The following RIMS1 variants were observed in gnomAD, a reference collection of about 807,000 sequenced individuals.
The protein encoded by RIMS1 is regulating synaptic membrane exocytosis 1.
In RIMS1, 83 loss-of-function variants were observed where a neutral mutation model predicts 214.1. That is an observed-to-expected ratio of 0.39 (90% CI 0.32 to 0.47). The LOEUF is 0.47. Ranked by LOEUF, RIMS1 falls within the 20% of genes least tolerant of loss-of-function variation. The pLI is 0.99. For missense variants in RIMS1, 2,050 were observed against 2,161.8 expected (o/e 0.95, Z 1.03); for synonymous variants, 793 against 786.8 (o/e 1.01, Z -0.13).
intron 1 of RIMS1, among the ~76,000 whole-genome samples, chr6:71,926,213 G>C (rs1484208199): frequency 6.6e-6 from 1 of 152,128 alleles, no homozygotes; most frequent in Non-Finnish European, 1.5e-5. Context: ...TTACAGGTTT[G>C]AGCCACTGCG....
chr6:72,319,326 G>A (rs545422994), intron 28 of RIMS1, among the ~76,000 whole-genome samples: 1 of 152,270 alleles, frequency 6.6e-6, no homozygotes, highest in East Asian at 1.9e-4. Flanking sequence ...TCAGTCATGA[G>A]GTGTAATGGA....
chr6:72,263,657 T>TA, intron 19 of RIMS1: 1 of 985,236 alleles, frequency 1.0e-6, no homozygotes, highest in Non-Finnish European at 1.2e-6. Context: ...AAGAGTCGAC[T>TA]GTCTAGAAAG....
intron 31 of RIMS1, among the ~76,000 whole-genome samples, chr6:72,394,444 TG>T (rs1204489109): frequency 1.3e-5 from 2 of 152,058 alleles, no homozygotes; most frequent in East Asian, 3.8e-4. Flanking sequence ...TGACAGAAAT[TG>T]TCAAGTATGT....
intron 17 of RIMS1, 67 bp downstream of exon 17, chr6:72,258,348 G>A: frequency 7.3e-7 from 1 of 1,362,378 alleles, no homozygotes; most frequent in South Asian, 1.6e-5. Context: ...GTAAATTGCT[G>A]CAAAACTAAC....
At position 72,313,686 on chromosome 6, in the gene RIMS1, A is replaced by G. The variant is rs1210340411; in HGVS notation, c.4130+14A>G. 1 of 1,603,972 alleles carries G rather than the reference A, an allele frequency of 6.2e-7. No homozygotes were observed. ...GGGTAGAATCAGGTGAGTTGGCAAT[A>G]CTGTTTATATAAACTGGATCTTTAT... On this transcript the variant is annotated intron_variant, in intron 28 of 33. Transcript: ENST00000521978.
chr6:71,936,877 TA>T (rs1784609362), intron 1 of RIMS1, among the ~76,000 whole-genome samples: 1 of 152,150 alleles, frequency 6.6e-6, no homozygotes, highest in South Asian at 2.1e-4. Flanking sequence ...ACAGTTCTCT[TA>T]ACCATCAGCT....
intron 2 of RIMS1, among the ~76,000 whole-genome samples, chr6:72,054,112 G>C (rs534516296): frequency 6.7e-6 from 1 of 150,276 alleles, no homozygotes; most frequent in Non-Finnish European, 1.5e-5. Flanking sequence ...GGTATGTGTT[G>C]TTCCCCTCCC....
chr6:72,261,597 AAC>A (rs1171597116), intron 19 of RIMS1: 2 of 982,258 alleles, frequency 2.0e-6, no homozygotes, highest in African/African-American at 1.7e-5. Flanking sequence ...GAAACAAACT[AAC>A]ACAAAATAAT....
intron 29 of RIMS1, among the ~76,000 whole-genome samples, chr6:72,390,306 G>A (rs2098682474): frequency 6.6e-6 from 1 of 152,122 alleles, no homozygotes; most frequent in African/African-American, 2.4e-5. Context: ...GCCAAATTCA[G>A]ATTTTCATTG....
chr6:72,266,002 C>A lies in RIMS1; in HGVS notation c.3351C>A (p.Thr1117=), dbSNP rs765761581. Residue 1117 remains threonine (T), a synonymous_variant, in exon 22 of 34, where the codon ACC becomes ACA. Transcript: ENST00000521978. ...TTGACAGGGCTAGGAGTGCTAGTAC[C>A]AACTGCTTGAGACCAGATACTAGTT... ...PFLDRARSAS[T]NCLRPDTSLH... The A allele has an allele frequency of 1.3e-6, 2 of 1,585,086 alleles. No individual in the cohort carries two copies. The highest frequency in any genetic ancestry group is 1.2e-5 in the South Asian group (1 of 86,450).
At chr6:72,308,893 A>G (rs576880483) in intron 27 of RIMS1, among the ~76,000 whole-genome samples, 1 of 152,280 alleles carries the variant, frequency 6.6e-6, no homozygotes, top group Admixed American at 6.5e-5. Flanking sequence ...CTTCATAGAT[A>G]TCATCATCGT....
chr6:72,252,935 A>T (rs2074121963), intron 16 of RIMS1, 103 bp downstream of exon 16: 1 of 802,776 alleles, frequency 1.2e-6, no homozygotes, highest in Non-Finnish European at 2.1e-6. Context: ...GATTTATAGC[A>T]CAGAGAAATC....
At chr6:72,262,775 A>T (rs1286896194) in intron 19 of RIMS1, 4 of 741,042 alleles carry the variant, frequency 5.4e-6, no homozygotes, top group African/African-American at 1.9e-5. Flanking sequence ...TTCTATAACT[A>T]TCCATGGCTA....
intron 2 of RIMS1, among the ~76,000 whole-genome samples, chr6:72,027,282 C>T (rs896976380): frequency 1.3e-5 from 2 of 152,068 alleles, no homozygotes; most frequent in Non-Finnish European, 2.9e-5. Context: ...GCCTGGAAGA[C>T]TTGAATTGCC....
rs545853971 is a variant in RIMS1 at position 72,286,145 on chromosome 6, C to T, written c.3554+2027C>T. Among the ~76,000 whole-genome samples, 13 of 150,844 alleles carry T rather than the reference C, an allele frequency of 8.6e-5. No homozygotes were observed. The East Asian group carries it at 2.5e-3, about 30-fold the overall frequency. ...CTAGGAGGTGGAGGTTGCGGTGAGC[C>T]GAGATTGCGCCATTGCACTCCAGCC... On this transcript the variant is annotated intron_variant, in intron 24 of 33. Transcript: ENST00000521978.
chr6:72,392,654 A>G (rs1367511700), intron 30 of RIMS1, 44 bp from the exon 31 acceptor site: 2 of 1,313,936 alleles, frequency 1.5e-6, no homozygotes. Flanking sequence ...ATTCTAGAAG[A>G]TTTCATGGGT....
chr6:71,946,922 G>T (rs1360717018), intron 1 of RIMS1, among the ~76,000 whole-genome samples: 1 of 151,752 alleles, frequency 6.6e-6, no homozygotes, highest in African/African-American at 2.4e-5. Context: ...AACACAAAAG[G>T]AACTCAAACA....
At position 72,394,304 on chromosome 6, in the gene RIMS1, A is replaced by G. The variant is rs921445871; in HGVS notation, c.4618+1494A>G. On this transcript the variant is annotated intron_variant, in intron 31 of 33. Coordinates refer to ENST00000521978, the MANE Select transcript of RIMS1 (RefSeq NM_014989.7). ...GTAAGCAAATGCTTTTTTAAAAGAT[A>G]CTAATTAAGTGTAGGGAAAAAGAAG... Among the ~76,000 whole-genome samples the G allele has an allele frequency of 3.9e-5, 6 of 152,188 alleles. No individual in the cohort carries two copies. In the South Asian group the frequency reaches 1.2e-3, roughly 32 times the overall value.
Position 72,235,634 on chromosome 6 carries a change from A to C in RIMS1, c.1763A>C (p.Gln588Pro). The change falls in exon 8 of 34, where the codon CAA becomes CCA. Residue 588 changes from glutamine to proline, a missense_variant. Gln to Pro is a moderately conservative substitution (Grantham distance 76). Around this residue, in one of 6 missense-constraint regions of RIMS1, gnomAD observed 882 missense variants for 828.9 expected, o/e 1.06. Transcript: ENST00000521978. Reference protein sequence around the residue: ...SPISSHPVTWQPSKEGDRLIG... With the variant: ...SPISSHPVTWPPSKEGDRLIG... Reference sequence around the variant, plus strand: ...TTTTAACAGCATCCTGTAACGTGGCAACCATCTAAAGAGGGGGACCGATTA... The same window carrying C: ...TTTTAACAGCATCCTGTAACGTGGCCACCATCTAAAGAGGGGGACCGATTA... The C allele has an allele frequency of 6.2e-7, 1 of 1,610,250 alleles. No homozygotes were observed. Among genetic ancestry groups the C allele is most frequent in the Non-Finnish European group, 8.5e-7 (1 of 1,177,876 alleles).
Sources: gnomAD v4.1 joint callset for allele counts (sites outside exome capture counted in the v4.1 genomes callset) on GRCh38, gnomAD v4.1.1 for gene constraint, gnomAD v4.1.1 regional missense constraint, MANE v1.5 for transcripts, NCBI Gene and HGNC (gene_info 2026-07-23, HGNC 2026-07-21) for gene names.